The following SLC41A2 variants were observed in gnomAD, a reference collection of about 807,000 sequenced individuals.
SLC41A2 encodes the protein SLC41A1-like 1.
A neutral mutation model predicts 58.3 loss-of-function variants in SLC41A2; 32 were observed. That is an observed-to-expected ratio of 0.55 (90% CI 0.41 to 0.74). SLC41A2 has a LOEUF of 0.74. Among genes scored for constraint, SLC41A2 ranks in the 30% least tolerant of loss-of-function variants. The pLI is 0.00. For synonymous variants in SLC41A2, 190 were observed against 235.0 expected (o/e 0.81, Z 1.75); for missense variants, 514 against 680.6 (o/e 0.76, Z 2.72).
intron 10 of SLC41A2, among the ~76,000 whole-genome samples, chr12:104,810,787 A>C (rs2041140148): frequency 6.6e-6 from 1 of 152,198 alleles, no homozygotes; most frequent in South Asian, 2.1e-4. Context: ...ATCCTCTGAC[A>C]TATAAAAAAA....
intron 7 of SLC41A2, among the ~76,000 whole-genome samples, chr12:104,865,199 T>TA (rs2043380923): frequency 1.3e-5 from 2 of 152,204 alleles, no homozygotes; most frequent in Non-Finnish European, 2.9e-5. Context: ...AGGCTGTCTC[T>TA]CAGCATTATA....
In SLC41A2 at chr12:104,935,118, C is replaced by T. The variant is rs150617826; in HGVS notation, c.-167-6424G>A. Among the ~76,000 whole-genome samples, 229 of 152,182 alleles carry T rather than the reference C, an allele frequency of 1.5e-3. 4 individuals carry two copies. The East Asian group carries it at 0.038, about 26-fold the overall frequency. On this transcript the variant is annotated intron_variant, in intron 1 of 10. Coordinates refer to ENST00000258538, the MANE Select transcript of SLC41A2 (RefSeq NM_001352171.3). ...GATTAGAGGGGCATGCCACCACGCCCGGCTAATTTTTTGTATTTTTAGTAG... is the reference window on the plus strand; with the variant it reads ...GATTAGAGGGGCATGCCACCACGCCTGGCTAATTTTTTGTATTTTTAGTAG...
chr12:104,815,879 T>G (rs2041378566), intron 10 of SLC41A2, among the ~76,000 whole-genome samples: 1 of 152,206 alleles, frequency 6.6e-6, no homozygotes, highest in African/African-American at 2.4e-5. Flanking sequence ...AAGCATCTTT[T>G]CTTTGGCTTG....
At chr12:104,882,622 T>C (rs1329885455) in intron 6 of SLC41A2, among the ~76,000 whole-genome samples, 1 of 152,176 alleles carries the variant, frequency 6.6e-6, no homozygotes, top group Non-Finnish European at 1.5e-5. Flanking sequence ...AAAATTCTTT[T>C]CTTTAAGAAT....
At chr12:104,933,453 C>G (rs2047144541) in intron 1 of SLC41A2, among the ~76,000 whole-genome samples, 1 of 152,128 alleles carries the variant, frequency 6.6e-6, no homozygotes, top group African/African-American at 2.4e-5. Context: ...TGTACAGCCT[C>G]TATGGAAAAT....
intron 4 of SLC41A2, among the ~76,000 whole-genome samples, chr12:104,892,459 T>C (rs1466320067): frequency 6.6e-6 from 1 of 151,684 alleles, no homozygotes; most frequent in African/African-American, 2.4e-5. Context: ...TTCAATGTAA[T>C]CCCTATCAAA....
At position 104,952,777 on chromosome 12, in the gene SLC41A2, T is replaced by C. The variant is rs1003714111; in HGVS notation, c.-168+5311A>G. Reference sequence around the variant, plus strand: ...GGTGCCTGCAGTTAAAGAAAAAAAATGTCACTTTAGTGTACCACATTCTCA... The same window carrying C: ...GGTGCCTGCAGTTAAAGAAAAAAAACGTCACTTTAGTGTACCACATTCTCA... On this transcript the variant is annotated intron_variant, in intron 1 of 10. Coordinates refer to ENST00000258538, the MANE Select transcript of SLC41A2 (RefSeq NM_001352171.3). Among the ~76,000 whole-genome samples the C allele has an allele frequency of 2.6e-5, 4 of 152,116 alleles. No individual in the cohort carries two copies. The East Asian group carries it at 7.7e-4, about 29-fold the overall frequency.
intron 6 of SLC41A2, 98 bp downstream of exon 6, chr12:104,886,195 G>A: frequency 2.3e-6 from 3 of 1,304,400 alleles, no homozygotes; most frequent in Non-Finnish European, 3.2e-6. Context: ...CAGTTCTAAT[G>A]CAAATGAAGG....
chr12:104,913,916 AGCTG>A lies in SLC41A2; in HGVS notation c.556-4158_556-4155del, dbSNP rs1271050043. Among the ~76,000 whole-genome samples, 3 of 152,150 alleles carry A rather than the reference AGCTG, an allele frequency of 2.0e-5. No individual in the cohort carries two copies. In the East Asian group the frequency reaches 5.8e-4, roughly 29 times the overall value. On this transcript the variant is annotated intron_variant, in intron 2 of 10. Transcript: ENST00000258538. ...GTGAAACCCCATCTCTGCAAAAATT[AGCTG>A]GCATAGTGGCAAGTGCCTGTAATCC...
rs374239286 is a variant in SLC41A2, at chr12:104,905,207, G to A, written c.663+4448C>T. On this transcript the variant is annotated intron_variant, in intron 3 of 10. Coordinates refer to ENST00000258538, the MANE Select transcript of SLC41A2 (RefSeq NM_001352171.3). ...ACAAACCTTGAGCTAAACACAGGGT[G>A]CTGATTGGTGTGTTTACAAACCTTG... Among the ~76,000 whole-genome samples the A allele has an allele frequency of 6.0e-4, 92 of 152,260 alleles. 2 individuals are homozygous for A. The South Asian group carries it at 0.019, about 31-fold the overall frequency.
intron 10 of SLC41A2, among the ~76,000 whole-genome samples, chr12:104,819,417 CTA>C (rs760398235): frequency 6.6e-6 from 1 of 152,018 alleles, no homozygotes; most frequent in Non-Finnish European, 1.5e-5. Flanking sequence ...AATAAATGAG[CTA>C]TGTATTTATA....
At chr12:104,900,998 T>C (rs2045531316) in intron 3 of SLC41A2, among the ~76,000 whole-genome samples, 1 of 152,174 alleles carries the variant, frequency 6.6e-6, no homozygotes, top group South Asian at 2.1e-4. Flanking sequence ...CAGCAGTGCT[T>C]GGCATAGAGT....
chr12:104,811,659 C>T lies in SLC41A2; in HGVS notation c.1537-6322G>A, dbSNP rs538437631. 2.0e-5 allele frequency among the ~76,000 whole-genome samples: 3 copies of T among 152,228 alleles called. No homozygotes were observed. In the South Asian group the frequency reaches 6.2e-4, roughly 32 times the overall value. ...AGCTGAGTGGTAAATACATTGTTATCTTATTTCCTATTACTTCCTGTATGT... is the reference window on the plus strand; with the variant it reads ...AGCTGAGTGGTAAATACATTGTTATTTTATTTCCTATTACTTCCTGTATGT... On this transcript the variant is annotated intron_variant, in intron 10 of 10. Coordinates refer to ENST00000258538, the MANE Select transcript of SLC41A2 (RefSeq NM_001352171.3).
chr12:104,909,225 T>C (rs1485911857), intron 3 of SLC41A2, among the ~76,000 whole-genome samples: 2 of 152,222 alleles, frequency 1.3e-5, no homozygotes, highest in East Asian at 3.8e-4. Flanking sequence ...AAAATATTAG[T>C]AGAGGTTATA....
chr12:104,814,263 C>CTGTAGACCCA (rs919275637), intron 10 of SLC41A2, among the ~76,000 whole-genome samples: 1 of 152,032 alleles, frequency 6.6e-6, no homozygotes, highest in African/African-American at 2.4e-5. Context: ...AATTAGCCCC[C>CTGTAGACCCA]TGTAGACCCA....
At chr12:104,828,822 T>C (rs767603442) in intron 10 of SLC41A2, among the ~76,000 whole-genome samples, 22 of 152,010 alleles carry the variant, frequency 1.4e-4, no homozygotes, top group Non-Finnish European at 2.5e-4. Flanking sequence ...AGAACTCTTA[T>C]AACTCCATAA....
intron 10 of SLC41A2, among the ~76,000 whole-genome samples, chr12:104,820,169 A>G (rs1396501187): frequency 2.6e-5 from 4 of 152,242 alleles, no homozygotes; most frequent in African/African-American, 9.6e-5. Flanking sequence ...TATGAGCATC[A>G]GTAAACCAAA....
At chr12:104,871,051 G>T (rs1179274873) in intron 6 of SLC41A2, among the ~76,000 whole-genome samples, 2 of 152,144 alleles carry the variant, frequency 1.3e-5, no homozygotes, top group African/African-American at 4.8e-5. Flanking sequence ...TAAATAACCA[G>T]GTGGCATCCT....
At chr12:104,833,130 A>G (rs1024387150) in intron 10 of SLC41A2, among the ~76,000 whole-genome samples, 4 of 152,230 alleles carry the variant, frequency 2.6e-5, no homozygotes, top group Non-Finnish European at 5.9e-5. Flanking sequence ...CTAAGAATAA[A>G]TAAGTTTCTA....
Sources: allele counts gnomAD v4.1 joint callset (sites outside exome capture counted in the v4.1 genomes callset), GRCh38; gene constraint gnomAD v4.1.1; transcripts MANE v1.5; gene names NCBI Gene and HGNC (gene_info 2026-07-23, HGNC 2026-07-21).